MSL2: variants seen among roughly 807,000 people sequenced by gnomAD.
MSL2 encodes MSL complex subunit 2.
A neutral mutation model predicts 35.8 loss-of-function variants in MSL2; 2 were observed. The ratio of observed to expected loss-of-function variants is 0.06; its 90% confidence interval spans 0.02 to 0.18. The LOEUF (loss-of-function observed/expected upper bound fraction) is 0.18. Ranked by LOEUF, MSL2 falls within the 10% of genes least tolerant of loss-of-function variation. The pLI is 1.00. For synonymous variants in MSL2, 296 were observed against 255.7 expected, an observed-to-expected ratio of 1.16 and a Z score of -1.50; for missense variants, 523 against 706.7, an observed-to-expected ratio of 0.74 and a Z score of 2.95.
chr3:136,184,088 G>A (rs1940442360), intron 1 of MSL2, among the ~76,000 whole-genome samples: 1 of 152,028 alleles, frequency 6.6e-6, no homozygotes, highest in Non-Finnish European at 1.5e-5. Flanking sequence ...GAAGTCAGGA[G>A]ATAGAGACCA....
intron 1 of MSL2, among the ~76,000 whole-genome samples, chr3:136,185,938 T>C (rs1030418122): frequency 2.6e-5 from 4 of 152,078 alleles, no homozygotes; most frequent in South Asian, 2.1e-4. Context: ...ACAAGGTAAC[T>C]TGGGGAAAAT....
chr3:136,180,199 T>A (rs965820697), intron 1 of MSL2, among the ~76,000 whole-genome samples: 2 of 152,236 alleles, frequency 1.3e-5, no homozygotes, highest in African/African-American at 2.4e-5. Context: ...GGACTTCTTA[T>A]GTTTCCGACT....
Position 136,152,986 on chromosome 3 carries a change from C to CA in MSL2, c.143-249dup, listed in dbSNP as rs1939416136. 4.1e-6 allele frequency: 4 copies of CA among 985,288 alleles called. No homozygotes were observed. The South Asian group carries it at 1.9e-4, about 46-fold the overall frequency. 61.0% of individuals were successfully genotyped at this position (985,288 alleles called of 1,614,324 possible). On this transcript the variant is annotated intron_variant, in intron 1 of 1. Transcript: ENST00000309993. ...TTGATTCTGTGTCTCTCTCCCCAAG[C>CA]AATACGTTCTGGTCCACCTTCTTAT...
At position 136,195,240 on chromosome 3, in the gene MSL2, AC is replaced by A. The variant is rs1940802455; in HGVS notation, c.-128del. ...AAATCAGAGCCGAACCATTGGCCAA[AC>A]AAGTAACCAAAATCCGTGCAAGTTT... On this transcript the variant is annotated 5_prime_UTR_variant, in exon 1 of 2. The change creates a premature stop within an existing upstream ORF in the 5' untranslated region. Coordinates refer to ENST00000309993, the MANE Select transcript of MSL2 (RefSeq NM_018133.4). 6.7e-7 allele frequency: 1 copy of A among 1,500,680 alleles called. No homozygotes were observed. The highest frequency in any genetic ancestry group is 2.3e-5 in the East Asian group (1 of 42,736). The allele number at this position is 1,500,680 out of a possible 1,614,324, so 93.0% of individuals were successfully genotyped here. A position where few individuals can be genotyped will look rare whatever the true frequency, so the allele number is the denominator to read the frequency against.
intron 1 of MSL2, among the ~76,000 whole-genome samples, chr3:136,189,458 C>A (rs1940621128): frequency 6.8e-6 from 1 of 147,594 alleles, no homozygotes; most frequent in African/African-American, 2.5e-5. Context: ...GGCGCAGTGG[C>A]TCACACCTGT....
intron 1 of MSL2, chr3:136,156,054 C>CA (rs1196769128): frequency 3.5e-5 from 9 of 258,226 alleles, no homozygotes; most frequent in African/African-American, 1.3e-4. Flanking sequence ...TGCCCTCCCC[C>CA]AAAAAACTAC....
Position 136,149,462 on chromosome 3 carries a change from T to G in MSL2, c.*1685A>C, listed in dbSNP as rs1333638876. Reference sequence around the variant, plus strand: ...CAACTAAGAAGCATTTTCCACCATTTACTCTTGTTATCAAAAATAGTTCAA... The same window carrying G: ...CAACTAAGAAGCATTTTCCACCATTGACTCTTGTTATCAAAAATAGTTCAA... On this transcript the variant is annotated 3_prime_UTR_variant, in exon 2 of 2. Transcript: ENST00000309993. The G allele has an allele frequency of 6.6e-6, 1 of 152,498 alleles. No individual in the cohort carries two copies. The highest frequency in any genetic ancestry group is 1.5e-5 in the Non-Finnish European group (1 of 68,016). The allele number at this position is 152,498 out of a possible 1,614,324, so 9.4% of individuals were successfully genotyped here.
At chr3:136,192,958 G>A (rs1940732499) in intron 1 of MSL2, among the ~76,000 whole-genome samples, 1 of 151,992 alleles carries the variant, frequency 6.6e-6, no homozygotes, top group Non-Finnish European at 1.5e-5. Flanking sequence ...AGAGATGGGA[G>A]GAAAAAAACC....
chr3:136,171,038 G>C (rs1290907210), intron 1 of MSL2, among the ~76,000 whole-genome samples: 1 of 152,108 alleles, frequency 6.6e-6, no homozygotes, highest in Non-Finnish European at 1.5e-5. Context: ...AATGTTTTCT[G>C]TATGTTTGGC....
intron 1 of MSL2, among the ~76,000 whole-genome samples, chr3:136,163,267 A>G (rs763057835): frequency 1.3e-5 from 2 of 152,128 alleles, no homozygotes; most frequent in Non-Finnish European, 2.9e-5. Flanking sequence ...TCAAATAAAT[A>G]TAAATATAAA....
intron 1 of MSL2, among the ~76,000 whole-genome samples, chr3:136,185,542 G>T (rs1054615212): frequency 1.6e-4 from 23 of 145,998 alleles, no homozygotes; most frequent in Non-Finnish European, 2.7e-4. Flanking sequence ...TTTTTTGGAG[G>T]GGGGGGTGGG....
intron 1 of MSL2, among the ~76,000 whole-genome samples, chr3:136,162,268 G>GTT (rs1262384613): frequency 4.2e-4 from 60 of 144,342 alleles, no homozygotes; most frequent in Non-Finnish European, 3.3e-4. Flanking sequence ...AAACCATAAG[G>GTT]TTTTTAAAAA....
intron 1 of MSL2, among the ~76,000 whole-genome samples, chr3:136,184,214 C>T (rs1306468165): frequency 1.3e-5 from 2 of 151,834 alleles, no homozygotes; most frequent in African/African-American, 4.8e-5. Context: ...GAGAATTGCT[C>T]GAACCCGGGA....
At chr3:136,180,885 T>C (rs1196381637) in intron 1 of MSL2, among the ~76,000 whole-genome samples, 2 of 147,884 alleles carry the variant, frequency 1.4e-5, no homozygotes, top group Non-Finnish European at 3.0e-5. Context: ...AGCTCAAGCC[T>C]GTAATCCCAG....
chr3:136,169,880 A>C (rs1939970920), intron 1 of MSL2, among the ~76,000 whole-genome samples: 1 of 151,886 alleles, frequency 6.6e-6, no homozygotes, highest in Non-Finnish European at 1.5e-5. Flanking sequence ...AACATGGTAA[A>C]ACCTCATCTC....
At chr3:136,156,535 A>T (rs1013199261) in intron 1 of MSL2, among the ~76,000 whole-genome samples, 3 of 152,204 alleles carry the variant, frequency 2.0e-5, no homozygotes, top group African/African-American at 7.2e-5. Flanking sequence ...TTAGAAAAAA[A>T]ATTATGCCTC....
At chr3:136,161,366 AACCT>A (rs1487801479) in intron 1 of MSL2, among the ~76,000 whole-genome samples, 2 of 152,200 alleles carry the variant, frequency 1.3e-5, no homozygotes, top group African/African-American at 2.4e-5. Flanking sequence ...TACTCCTAGG[AACCT>A]ACCTAAAGAG....
Position 136,151,723 on chromosome 3 carries a change from T to C in MSL2, c.1158A>G (p.Ala386=). The change falls in exon 2 of 2, where the codon GCA becomes GCG. Residue 386 remains alanine (A), a synonymous_variant. Coordinates refer to ENST00000309993, the MANE Select transcript of MSL2 (RefSeq NM_018133.4). This position sits in a 1 kb window ranked among gnomAD's most constrained non-coding sequence, Gnocchi z 5.2. ...GTGTTGTGCCTCCATTGGGAACAGT[T>C]GCTATAGGTTGAAGAGAAATTTTGC... ...RESKISLQPI[A]TVPNGGTTPK... 1 of 1,614,168 alleles carries C rather than the reference T, an allele frequency of 6.2e-7. No homozygotes were observed. The highest frequency in any genetic ancestry group is 8.5e-7 in the Non-Finnish European group (1 of 1,180,032).
intron 1 of MSL2, among the ~76,000 whole-genome samples, chr3:136,183,409 A>T (rs1940424209): frequency 6.6e-6 from 1 of 152,036 alleles, no homozygotes. Flanking sequence ...AAAAATTTTT[A>T]AAATGAAAGT....
Sources: allele counts gnomAD v4.1 joint callset (sites outside exome capture counted in the v4.1 genomes callset), GRCh38; gene constraint gnomAD v4.1.1; non-coding constraint Gnocchi (gnomAD v3.1); transcripts MANE v1.5; gene names NCBI Gene and HGNC (gene_info 2026-07-23, HGNC 2026-07-21).